ACSS3: variants seen among roughly 807,000 people sequenced by gnomAD.
ACSS3 encodes acyl-CoA synthetase short-chain family member 3, mitochondrial.
Under a neutral mutation model 84.2 loss-of-function variants are expected in ACSS3, and 64 were observed. The observed-to-expected ratio is 0.76, with a 90% CI of 0.62 to 0.94. The LOEUF (loss-of-function observed/expected upper bound fraction) is 0.94, where lower values mean the gene tolerates loss of function less well. Among genes scored for constraint, ACSS3 ranks in the 40% least tolerant of loss-of-function variants. The pLI is 0.00. For synonymous variants in ACSS3, 317 were observed against 310.1 expected (o/e 1.02, Z -0.23); for missense variants, 815 against 867.6 (o/e 0.94, Z 0.76).
chr12:81,226,990 C>CACACAT (rs1491243746), intron 11 of ACSS3, among the ~76,000 whole-genome samples: 6 of 111,698 alleles, frequency 5.4e-5, no homozygotes, highest in African/African-American at 1.5e-4. Flanking sequence ...CACACACACA[C>CACACAT]ATATATATAT....
chr12:81,111,840 T>C (rs1280920300), intron 2 of ACSS3, among the ~76,000 whole-genome samples: 1 of 152,196 alleles, frequency 6.6e-6, no homozygotes, highest in Admixed American at 6.5e-5. Flanking sequence ...ACTGGGGACC[T>C]GTCTCCCTCT....
intron 9 of ACSS3, among the ~76,000 whole-genome samples, chr12:81,213,928 C>T (rs1293382917): frequency 2.9e-5 from 2 of 69,140 alleles, no homozygotes; most frequent in African/African-American, 5.7e-5. Flanking sequence ...TTCCTTCCTT[C>T]CTTCCTTTCT....
chr12:81,178,563 T>C (rs2030672408), intron 8 of ACSS3, among the ~76,000 whole-genome samples: 1 of 151,744 alleles, frequency 6.6e-6, no homozygotes, highest in South Asian at 2.1e-4. Context: ...ATGAAAAGAA[T>C]AAAATACCTA....
At chr12:81,163,038 G>A (rs1360937134) in intron 7 of ACSS3, among the ~76,000 whole-genome samples, 1 of 151,866 alleles carries the variant, frequency 6.6e-6, no homozygotes, top group Non-Finnish European at 1.5e-5. Flanking sequence ...CTGCGGCCCA[G>A]AGGACTGGGA....
At position 81,078,432 on chromosome 12, in the gene ACSS3, G is replaced by A. The variant is rs1880760443; in HGVS notation, c.311+1G>A. The A allele has an allele frequency of 1.2e-6, 2 of 1,612,008 alleles. No homozygotes were observed. Among genetic ancestry groups the A allele is most frequent in the Non-Finnish European group, 1.7e-6 (2 of 1,180,000 alleles). ...ACAAACACTCGCCCTCTACCAGGTG[G>A]TGAGTGACTTCTGTGCCAACCCTGA... On this transcript the variant is annotated splice_donor_variant, in intron 1 of 15. Transcript: ENST00000548058. LOFTEE classifies it high-confidence loss of function.
At chr12:81,160,096 A>G (rs946743381) in intron 7 of ACSS3, among the ~76,000 whole-genome samples, 6 of 152,252 alleles carry the variant, frequency 3.9e-5, no homozygotes, top group Non-Finnish European at 7.3e-5. Flanking sequence ...ACGTAGGTCT[A>G]AAATGGAATG....
intron 9 of ACSS3, among the ~76,000 whole-genome samples, chr12:81,211,501 C>T (rs1247768819): frequency 6.6e-6 from 1 of 152,164 alleles, no homozygotes; most frequent in Non-Finnish European, 1.5e-5. Context: ...CATCTACCCA[C>T]ACAGTCTGTC....
intron 3 of ACSS3, among the ~76,000 whole-genome samples, chr12:81,136,910 AG>A (rs76266878): frequency 0.049 from 7,379 of 152,104 alleles, 452 homozygotes; most frequent in African/African-American, 0.14. Context: ...GACTCTGGGA[AG>A]ATTAAGGAAG....
At chr12:81,200,906 A>AG (rs68094493) in intron 9 of ACSS3, among the ~76,000 whole-genome samples, 37 of 151,050 alleles carry the variant, frequency 2.4e-4, no homozygotes, top group Non-Finnish European at 5.0e-4. Flanking sequence ...AAAAAAAAAA[A>AG]GAAAAAGAAA....
chr12:81,083,308 AT>A (rs1430499068), intron 1 of ACSS3, among the ~76,000 whole-genome samples: 4 of 151,642 alleles, frequency 2.6e-5, no homozygotes, highest in African/African-American at 9.7e-5. Flanking sequence ...TGGCATTTAA[AT>A]ATTGGAATAT....
At chr12:81,195,785 C>T (rs1020208104) in intron 8 of ACSS3, among the ~76,000 whole-genome samples, 1 of 151,970 alleles carries the variant, frequency 6.6e-6, no homozygotes, top group Non-Finnish European at 1.5e-5. Flanking sequence ...AGGTTATGCT[C>T]TTATCTGAAA....
intron 8 of ACSS3, among the ~76,000 whole-genome samples, chr12:81,181,300 C>G (rs1338423168): frequency 6.6e-6 from 1 of 152,126 alleles, no homozygotes; most frequent in African/African-American, 2.4e-5. Flanking sequence ...CCTGGAGAAG[C>G]TGTATGGAGA....
intron 2 of ACSS3, among the ~76,000 whole-genome samples, chr12:81,120,649 A>G (rs1565987044): frequency 6.6e-6 from 1 of 152,226 alleles, no homozygotes; most frequent in Admixed American, 6.5e-5. Context: ...GCTATGAAAA[A>G]TGATGCCACT....
At chr12:81,243,396 G>T (rs1443606866) in intron 13 of ACSS3, among the ~76,000 whole-genome samples, 1 of 152,126 alleles carries the variant, frequency 6.6e-6, no homozygotes, top group African/African-American at 2.4e-5. Context: ...CACGCTCATG[G>T]GTAGGAAGAA....
intron 2 of ACSS3, 83 bp from the exon 3 acceptor site, chr12:81,134,733 A>G: frequency 7.9e-7 from 1 of 1,268,516 alleles, no homozygotes; most frequent in Non-Finnish European, 1.0e-6. Flanking sequence ...GCGGGTGATC[A>G]GCTTCTAATA....
Position 81,259,686 on chromosome 12 carries a change from G to T in ACSS3, c.*4764G>T. The T allele has an allele frequency of 6.5e-7, 1 of 1,532,282 alleles. No homozygotes were observed. Among genetic ancestry groups the T allele is most frequent in the Non-Finnish European group, 8.7e-7 (1 of 1,143,868 alleles). 94.9% of individuals were successfully genotyped at this position (1,532,282 alleles called of 1,614,324 possible). A position where few individuals can be genotyped will look rare whatever the true frequency, so the allele number is the denominator to read the frequency against. ...CTAAAATATACAATGGATAGCATTA[G>T]TTCACTGAAAAGTCCCAGACTGGGA... On this transcript the variant is annotated 3_prime_UTR_variant, in exon 16 of 16. Transcript: ENST00000548058.
At chr12:81,131,491 CTGCTGAAGT>C (rs1393774173) in intron 2 of ACSS3, among the ~76,000 whole-genome samples, 3 of 152,100 alleles carry the variant, frequency 2.0e-5, no homozygotes, top group Non-Finnish European at 4.4e-5. Flanking sequence ...TCCTAAGACT[CTGCTGAAGT>C]TGCTTATCAG....
intron 7 of ACSS3, among the ~76,000 whole-genome samples, chr12:81,157,878 A>G (rs12320347): frequency 4.6e-5 from 7 of 151,950 alleles, no homozygotes; most frequent in Non-Finnish European, 1.0e-4. Context: ...GGGTAGAAAT[A>G]AAATTGTCTT....
At chr12:81,127,215 T>C (rs1885159127) in intron 2 of ACSS3, among the ~76,000 whole-genome samples, 1 of 151,962 alleles carries the variant, frequency 6.6e-6, no homozygotes, top group African/African-American at 2.4e-5. Flanking sequence ...ATCTAATAAA[T>C]TGTAACTGTC....
Sources: allele counts gnomAD v4.1 joint callset (sites outside exome capture counted in the v4.1 genomes callset), GRCh38; gene constraint gnomAD v4.1.1; transcripts MANE v1.5; gene names NCBI Gene and HGNC (gene_info 2026-07-23, HGNC 2026-07-21).